SNAPC1: variants seen among roughly 807,000 people sequenced by gnomAD.
The protein encoded by SNAPC1 is small nuclear RNA activating complex polypeptide 1, also known as snRNA-activating protein complex subunit 1.
A neutral mutation model predicts 50.1 loss-of-function variants in SNAPC1; 42 were observed. That is an observed-to-expected ratio of 0.84 (90% CI 0.65 to 1.08). The LOEUF (loss-of-function observed/expected upper bound fraction) is 1.08. Ranked by LOEUF, SNAPC1 falls within the 50% of genes least tolerant of loss-of-function variation. SNAPC1 has a pLI of 0.00. For synonymous variants in SNAPC1, 164 were observed against 144.2 expected, an observed-to-expected ratio of 1.14 and a Z score of -0.98; for missense variants, 477 against 427.3, an observed-to-expected ratio of 1.12 and a Z score of -1.02.
chr14:61,783,700 T>C (rs942046750), intron 8 of SNAPC1, among the ~76,000 whole-genome samples: 12 of 151,696 alleles, frequency 7.9e-5, no homozygotes, highest in African/African-American at 2.9e-4. Flanking sequence ...CATGCCTGGG[T>C]AATTTGTTTT....
rs1338979247 is a variant in SNAPC1 at position 61,767,309 on chromosome 14, T to C, written c.386T>C (p.Leu129Pro). ...HFDAAYIFRK[L>P]RLDRAFHFTA... ...GATGCAGCTTATATTTTTAGGAAGCTACGACTAGACAGAGCATTTCACTTT... is the reference window on the plus strand; with the variant it reads ...GATGCAGCTTATATTTTTAGGAAGCCACGACTAGACAGAGCATTTCACTTT... Residue 129 changes from leucine (L) to proline (P), a missense_variant, in exon 3 of 10, where the codon CTA (leucine) becomes CCA (proline). By Grantham distance (98) the Leu-to-Pro change is moderately conservative (BLOSUM62 -3). Transcript: ENST00000216294. The C allele has an allele frequency of 2.6e-6, 4 of 1,531,756 alleles. No homozygotes were observed. Among genetic ancestry groups the C allele is most frequent in the Non-Finnish European group, 3.5e-6 (4 of 1,140,360 alleles). 94.9% of individuals were successfully genotyped at this position (1,531,756 alleles called of 1,614,324 possible). A position where few individuals can be genotyped will look rare whatever the true frequency, so the allele number is the denominator to read the frequency against.
At chr14:61,762,642 A>G in intron 1 of SNAPC1, 54 bp downstream of exon 1, 2 of 1,605,146 alleles carry the variant, frequency 1.2e-6, no homozygotes, top group African/African-American at 2.7e-5. Context: ...TGGTGTAGAA[A>G]GTTGCCTCCT....
chr14:61,780,437 G>A (rs907291274), intron 7 of SNAPC1, among the ~76,000 whole-genome samples: 8 of 152,098 alleles, frequency 5.3e-5, no homozygotes, highest in Non-Finnish European at 1.2e-4. Context: ...GATTTTCAAT[G>A]CACCTGCCTG....
At chr14:61,775,596 T>C (rs1566589718) in intron 4 of SNAPC1, among the ~76,000 whole-genome samples, 1 of 152,140 alleles carries the variant, frequency 6.6e-6, no homozygotes, top group African/African-American at 2.4e-5. Flanking sequence ...GCTGAAGCAA[T>C]GGGGAAGCTT....
intron 4 of SNAPC1, among the ~76,000 whole-genome samples, chr14:61,775,158 A>G (rs958634147): frequency 6.6e-6 from 1 of 151,936 alleles, no homozygotes; most frequent in Non-Finnish European, 1.5e-5. Flanking sequence ...CTTTTTCCTT[A>G]CCCCACAGAT....
At chr14:61,781,847 C>G (rs2140181924) in intron 7 of SNAPC1, among the ~76,000 whole-genome samples, 1 of 152,370 alleles carries the variant, frequency 6.6e-6, no homozygotes, top group South Asian at 2.1e-4. Context: ...GGATGTTAAA[C>G]TCATTGTGGC....
chr14:61,777,948 G>T, intron 5 of SNAPC1, 124 bp from the exon 6 acceptor site: 1 of 546,704 alleles, frequency 1.8e-6, no homozygotes, highest in South Asian at 2.8e-5. Flanking sequence ...TATATAATGT[G>T]AATGATCTTT....
chr14:61,786,339 C>T (rs1459839884), intron 8 of SNAPC1, among the ~76,000 whole-genome samples: 2 of 151,994 alleles, frequency 1.3e-5, no homozygotes, highest in African/African-American at 4.8e-5. Context: ...CTTCAAAAGA[C>T]ACTGTTAAGA....
chr14:61,775,919 A>G (rs1262666998), intron 4 of SNAPC1, among the ~76,000 whole-genome samples, 176 bp from the exon 5 acceptor site: 1 of 152,032 alleles, frequency 6.6e-6, no homozygotes, highest in African/African-American at 2.4e-5. Flanking sequence ...CCACACCTCT[A>G]TGTTAATGAA....
At chr14:61,768,793 C>G in intron 4 of SNAPC1, 53 bp downstream of exon 4, 2 of 916,346 alleles carry the variant, frequency 2.2e-6, no homozygotes, top group Non-Finnish European at 3.5e-6. Flanking sequence ...TTATTGCCAA[C>G]TACATATTGA....
chr14:61,781,713 G>T (rs1369275411), intron 7 of SNAPC1, among the ~76,000 whole-genome samples: 1 of 152,094 alleles, frequency 6.6e-6, no homozygotes, highest in Admixed American at 6.6e-5. Context: ...AGCTTCCAAG[G>T]CAAGAAAGAA....
intron 9 of SNAPC1, 68 bp from the exon 10 acceptor site, chr14:61,794,881 A>C (rs2045177467): frequency 9.8e-7 from 1 of 1,016,138 alleles, no homozygotes; most frequent in Non-Finnish European, 1.5e-6. Context: ...TGTAAGTGTC[A>C]GTTGTTTTTT....
intron 3 of SNAPC1, among the ~76,000 whole-genome samples, chr14:61,767,776 T>G (rs763514553): frequency 1.0e-4 from 15 of 149,290 alleles, no homozygotes; most frequent in Non-Finnish European, 1.9e-4. Context: ...TTGTAACTTT[T>G]TTTGTGTGTG....
rs200343454 is a variant in SNAPC1 at position 61,776,145 on chromosome 14, A to T, written c.585A>T (p.Ser195=). Residue 195 remains serine (S), a synonymous_variant, in exon 5 of 10, where the codon TCA becomes TCT. Coordinates refer to ENST00000216294, the MANE Select transcript of SNAPC1 (RefSeq NM_003082.4). The part of the protein sequence containing the change: ...DHYQNMKHVI[S]VDKSKPDKAL... ...ATCAGAACATGAAACATGTAATTTC[A>T]GTTGATAAGTCCAAGCCAGATAAAG... 2.5e-6 allele frequency: 4 copies of T among 1,608,478 alleles called. No individual in the cohort carries two copies. The highest frequency in any genetic ancestry group is 2.5e-6 in the Non-Finnish European group (3 of 1,178,660).
Position 61,774,661 on chromosome 14 carries a change from T to C in SNAPC1, c.535-1434T>C, listed in dbSNP as rs1385226554. On this transcript the variant is annotated intron_variant, in intron 4 of 9. Coordinates refer to ENST00000216294, the MANE Select transcript of SNAPC1 (RefSeq NM_003082.4). Reference sequence around the variant, plus strand: ...GATCAGTTTCTCATTTTTTTTTTTTTTTTTTTTTTTTTTTTTTGAGAGGCA... The same window carrying C: ...GATCAGTTTCTCATTTTTTTTTTTTCTTTTTTTTTTTTTTTTTGAGAGGCA... 6.1e-4 allele frequency among the ~76,000 whole-genome samples: 86 copies of C among 142,096 alleles called. 3 individuals carry two copies. Among genetic ancestry groups the C allele is most frequent in the African/African-American group, 1.5e-3 (59 of 38,170 alleles). The allele number at this position is 142,096 out of a possible 152,430, so 93.2% of individuals were successfully genotyped here.
chr14:61,779,765 A>G (rs1229391945), intron 7 of SNAPC1, among the ~76,000 whole-genome samples: 4 of 144,894 alleles, frequency 2.8e-5, no homozygotes, highest in African/African-American at 1.0e-4. Context: ...CTGGAGTGCA[A>G]TGGTGCAATT....
Position 61,763,342 on chromosome 14 carries a change from T to C in SNAPC1, c.128+754T>C, listed in dbSNP as rs146937082. On this transcript the variant is annotated intron_variant, in intron 1 of 9. Coordinates refer to ENST00000216294, the MANE Select transcript of SNAPC1 (RefSeq NM_003082.4). ...TTTGATTATGTCACTCCCCGACTTA[T>C]TACTCTGTAGTGGTGCCCATTGCCT... Among the ~76,000 whole-genome samples the C allele has an allele frequency of 2.6e-5, 4 of 152,208 alleles. No individual in the cohort carries two copies. In the East Asian group the frequency reaches 7.7e-4, roughly 29 times the overall value.
At chr14:61,786,773 C>T (rs763640077) in intron 8 of SNAPC1, among the ~76,000 whole-genome samples, 8 of 152,178 alleles carry the variant, frequency 5.3e-5, no homozygotes, top group East Asian at 1.9e-4. Context: ...ACTTACCATC[C>T]GACCCAGAAA....
intron 3 of SNAPC1, 48 bp downstream of exon 3, chr14:61,767,400 T>C (rs2044956265): frequency 4.0e-6 from 5 of 1,234,588 alleles, no homozygotes; most frequent in African/African-American, 1.6e-5. Context: ...GCAATTATAC[T>C]TTATTGTCCA....
Sources: allele counts gnomAD v4.1 joint callset (sites outside exome capture counted in the v4.1 genomes callset), GRCh38; gene constraint gnomAD v4.1.1; transcripts MANE v1.5; gene names NCBI Gene and HGNC (gene_info 2026-07-23, HGNC 2026-07-21).